The following PHF3 variants were observed in gnomAD, a reference collection of about 807,000 sequenced individuals.
PHF3 encodes PHD finger protein 3.
In PHF3, 41 loss-of-function variants were observed where a neutral mutation model predicts 178.4. The observed-to-expected ratio is 0.23, with a 90% CI of 0.18 to 0.30. The LOEUF is 0.30. Among genes scored for constraint, PHF3 ranks in the 10% least tolerant of loss-of-function variants. PHF3 has a pLI of 1.00. For synonymous variants in PHF3, 842 were observed against 800.5 expected, an observed-to-expected ratio of 1.05 and a Z score of -0.88; for missense variants, 2,346 against 2,398.1, an observed-to-expected ratio of 0.98 and a Z score of 0.45.
At chr6:63,703,108 C>A (rs1041795384) in intron 10 of PHF3, among the ~76,000 whole-genome samples, 1 of 152,210 alleles carries the variant, frequency 6.6e-6, no homozygotes, top group Non-Finnish European at 1.5e-5. Context: ...AAACTCCTGA[C>A]CTCAAGTGAT....
At chr6:63,692,142 CT>C in intron 5 of PHF3, 99 bp downstream of exon 5, 1 of 864,838 alleles carries the variant, frequency 1.2e-6, no homozygotes, top group Non-Finnish European at 1.7e-6. Flanking sequence ...TTTTAATGTT[CT>C]TTTACATTTT....
intron 2 of PHF3, among the ~76,000 whole-genome samples, chr6:63,655,953 C>T (rs1455185417): frequency 6.6e-6 from 1 of 152,168 alleles, no homozygotes; most frequent in Non-Finnish European, 1.5e-5. Context: ...CTGCTTTAGA[C>T]ATTTCTAATA....
intron 5 of PHF3, among the ~76,000 whole-genome samples, chr6:63,692,539 ATT>A (rs1274987595): frequency 1.3e-5 from 2 of 152,096 alleles, no homozygotes; most frequent in African/African-American, 4.8e-5. Context: ...TTCTTTCCTC[ATT>A]GTCTACCTTT....
chr6:63,715,616 T>A lies in PHF3; in HGVS notation c.*1908T>A, dbSNP rs1175095388. 1 of 152,160 alleles carries A rather than the reference T, an allele frequency of 6.6e-6. No homozygotes were observed. Among genetic ancestry groups the A allele is most frequent in the Non-Finnish European group, 1.5e-5 (1 of 68,020 alleles). 9.4% of individuals were successfully genotyped at this position (152,160 alleles called of 1,614,324 possible). ...TCGCTAATAGTTTTTTCTACATATC[T>A]AAAATTCTTTAATCAGTTCTGATCG... On this transcript the variant is annotated 3_prime_UTR_variant, in exon 16 of 16. Coordinates refer to ENST00000262043, the MANE Select transcript of PHF3 (RefSeq NM_001370348.2).
intron 2 of PHF3, among the ~76,000 whole-genome samples, chr6:63,676,452 T>C (rs1056799604): frequency 2.0e-5 from 3 of 152,156 alleles, no homozygotes; most frequent in African/African-American, 7.2e-5. Context: ...GAAGGTGACA[T>C]GTAAGTAAAA....
At chr6:63,656,748 T>A (rs994670070) in intron 2 of PHF3, among the ~76,000 whole-genome samples, 16 of 152,228 alleles carry the variant, frequency 1.1e-4, no homozygotes, top group Non-Finnish European at 2.2e-4. Flanking sequence ...GGTAATTTTC[T>A]AATACTCTCA....
At chr6:63,664,658 G>A (rs1260037022) in intron 2 of PHF3, among the ~76,000 whole-genome samples, 2 of 152,050 alleles carry the variant, frequency 1.3e-5, no homozygotes, top group African/African-American at 4.8e-5. Flanking sequence ...ATTATTAGTT[G>A]TATAAGAACT....
rs990736211 is a variant in PHF3, at chr6:63,700,341, T to C, written c.2983-9T>C. 28 of 1,334,024 alleles carry C rather than the reference T, an allele frequency of 2.1e-5. No homozygotes were observed. Among genetic ancestry groups the C allele is most frequent in the Non-Finnish European group, 2.9e-5 (27 of 941,548 alleles). 82.6% of individuals were successfully genotyped at this position (1,334,024 alleles called of 1,614,324 possible). Reference sequence around the variant, plus strand: ...CTCCCCTTCTATTCCTATTTTAAAATCCTTCCAGATATTATTTAAAAAAGT... The same window carrying C: ...CTCCCCTTCTATTCCTATTTTAAAACCCTTCCAGATATTATTTAAAAAAGT... On this transcript the variant is annotated splice_polypyrimidine_tract_variant and intron_variant, in intron 8 of 15. Coordinates refer to ENST00000262043, the MANE Select transcript of PHF3 (RefSeq NM_001370348.2).
intron 2 of PHF3, among the ~76,000 whole-genome samples, chr6:63,658,047 A>T (rs1373501662): frequency 6.6e-6 from 1 of 152,206 alleles, no homozygotes; most frequent in Non-Finnish European, 1.5e-5. Context: ...TTTGAGTTCA[A>T]TGCTTGGTTG....
rs1048860038 is a variant in PHF3 at position 63,685,833 on chromosome 6, A to G, written c.2111A>G (p.His704Arg). Residue 704 changes from histidine (H) to arginine (R), a missense_variant, in exon 4 of 16, where the codon CAT (histidine) becomes CGT (arginine). By Grantham distance (29) the His-to-Arg change is conservative. Around this residue, in one of 8 missense-constraint regions of PHF3, gnomAD observed 72 missense variants for 110.5 expected, o/e 0.65. Transcript: ENST00000262043. The stretch of plus-strand genomic sequence containing the variant: ...ACCATAAGAAGAGAAGGCTCTGATC[A>G]TAGCTCCTCATTTGAAAGCAAATAT... The part of the protein sequence containing the change: ...IATIRREGSD[H>R]SSSFESKYMW... 1.2e-6 allele frequency: 2 copies of G among 1,613,750 alleles called. No individual in the cohort carries two copies. Among genetic ancestry groups the G allele is most frequent in the South Asian group, 1.1e-5 (1 of 91,090 alleles).
At chr6:63,692,178 A>G (rs1237988442) in intron 5 of PHF3, 135 bp downstream of exon 5, 1 of 701,392 alleles carries the variant, frequency 1.4e-6, no homozygotes, top group Non-Finnish European at 2.3e-6. Context: ...CATGAAAGTG[A>G]ATAGGTTTTT....
In PHF3 at chr6:63,684,605, G is replaced by C. The variant is rs759107522; in HGVS notation, c.883G>C (p.Glu295Gln). The C allele has an allele frequency of 1.2e-6, 2 of 1,613,848 alleles. No homozygotes were observed. The highest frequency in any genetic ancestry group is 8.5e-7 in the Non-Finnish European group (1 of 1,179,854). ...LFKFSDKEEH[E>Q]QNDSISGKTG... ...TAAGTTTTCAGATAAAGAAGAACAT[G>C]AACAAAATGATTCCATTTCAGGTAA... Residue 295 changes from glutamate to glutamine, a missense_variant, in exon 4 of 16, where the codon GAA becomes CAA. Glu to Gln is a conservative substitution (Grantham distance 29). Transcript: ENST00000262043.
rs1768260573 is a variant in PHF3, at chr6:63,718,607, T to C, written c.*4899T>C. The stretch of plus-strand genomic sequence containing the variant: ...GCCCTGCATTCAGTGTTTTGTAGTA[T>C]GTCATTTTATTTGAAATATATGAAG... On this transcript the variant is annotated 3_prime_UTR_variant, in exon 16 of 16. Transcript: ENST00000262043. Among the ~76,000 whole-genome samples the C allele has an allele frequency of 6.6e-6, 1 of 152,042 alleles. No homozygotes were observed. The highest frequency in any genetic ancestry group is 2.4e-5 in the African/African-American group (1 of 41,444).
Position 63,713,654 on chromosome 6 carries a change from G to A in PHF3, c.6066G>A (p.Arg2022=). 1 of 1,604,612 alleles carries A rather than the reference G, an allele frequency of 6.2e-7. No homozygotes were observed. The highest frequency in any genetic ancestry group is 1.7e-5 in the Admixed American group (1 of 57,622). The change falls in exon 16 of 16, where the codon AGG becomes AGA. Residue 2022 remains arginine, a synonymous_variant. Transcript: ENST00000262043. ...KSKHREGEKD[R]DRYHKDRDHT... ...AACACAGAGAAGGAGAAAAGGACAG[G>A]GATAGGTACCACAAAGATAGGGACC... is the stretch of plus-strand genomic sequence containing the variant.
In PHF3 at chr6:63,721,368, C is replaced by T. The variant is rs752962568; in HGVS notation, c.*7660C>T. The T allele has an allele frequency of 1.3e-6, 2 of 1,551,726 alleles. No homozygotes were observed. Among genetic ancestry groups the T allele is most frequent in the African/African-American group, 1.4e-5 (1 of 73,040 alleles). ...AGTTGTGCCATTTACTGTACATTCA[C>T]CTCCATTTCTGCATGTGTTGTACCC... On this transcript the variant is annotated 3_prime_UTR_variant, in exon 16 of 16. Transcript: ENST00000262043.
rs747265857 is a variant in PHF3, at chr6:63,712,408, A to G, written c.4820A>G (p.Asp1607Gly). The G allele has an allele frequency of 1.9e-6, 3 of 1,613,876 alleles. No individual in the cohort carries two copies. Among genetic ancestry groups the G allele is most frequent in the Non-Finnish European group, 2.5e-6 (3 of 1,179,816 alleles). Residue 1607 changes from aspartate to glycine, a missense_variant, in exon 16 of 16, where the codon GAT becomes GGT. Transcript: ENST00000262043. ...GAAGATCAAGAGAATAATTTGCAAGATAACCAGACTTCAAATAGTTCTCCA... is the reference window on the plus strand; with the variant it reads ...GAAGATCAAGAGAATAATTTGCAAGGTAACCAGACTTCAAATAGTTCTCCA... ...LQEDQENNLQ[D>G]NQTSNSSPCR...
chr6:63,693,118 A>G (rs1456703803), intron 5 of PHF3, among the ~76,000 whole-genome samples: 1 of 152,208 alleles, frequency 6.6e-6, no homozygotes, highest in East Asian at 1.9e-4. Context: ...TGTTGATTTG[A>G]TCATCAAAGT....
At chr6:63,698,910 T>A (rs922505117) in intron 8 of PHF3, among the ~76,000 whole-genome samples, 12 of 152,162 alleles carry the variant, frequency 7.9e-5, no homozygotes, top group Non-Finnish European at 1.8e-4. Context: ...TCAAAAACTT[T>A]TAAGCTAAAA....
At chr6:63,674,909 C>G (rs1444612891) in intron 2 of PHF3, among the ~76,000 whole-genome samples, 1 of 152,098 alleles carries the variant, frequency 6.6e-6, no homozygotes, top group Non-Finnish European at 1.5e-5. Context: ...GTAATTCTCC[C>G]CCTTTGTATG....
Sources: allele counts gnomAD v4.1 joint callset (sites outside exome capture counted in the v4.1 genomes callset), GRCh38; gene constraint gnomAD v4.1.1; regional missense constraint gnomAD v4.1.1; transcripts MANE v1.5; gene names NCBI Gene and HGNC (gene_info 2026-07-23, HGNC 2026-07-21).